The following ZNF560 variants were observed in gnomAD, a reference collection of about 807,000 sequenced individuals.
The protein encoded by ZNF560 is zinc finger protein 560.
In ZNF560, 54 loss-of-function variants were observed where a neutral mutation model predicts 81.8. That is an observed-to-expected ratio of 0.66 (90% CI 0.53 to 0.83). The LOEUF is 0.83. Ranked by LOEUF, ZNF560 falls within the 40% of genes least tolerant of loss-of-function variation. The pLI, the probability that ZNF560 is intolerant of heterozygous loss-of-function variation, is 0.00. For synonymous variants in ZNF560, 321 were observed against 317.9 expected (o/e 1.01, Z -0.10); for missense variants, 940 against 932.4 (o/e 1.01, Z -0.11).
At chr19:9,449,974 CAAAA>C in the ZNF560 span, among the ~76,000 whole-genome samples, 1,517 of 43,274 alleles carry the variant, frequency 0.035, 13 homozygotes, top group African/African-American at 0.1. Context: ...AACTCTGTCT[CAAAA>C]AAAAAAAAAA....
At chr19:9,482,528 A>G (rs763088959) in intron 2 of ZNF560, among the ~76,000 whole-genome samples, 1 of 151,958 alleles carries the variant, frequency 6.6e-6, no homozygotes, top group Non-Finnish European at 1.5e-5. Flanking sequence ...AGTCCTAGCT[A>G]CTCAGGAGGA....
At chr19:9,451,718 A>G in the ZNF560 span, among the ~76,000 whole-genome samples, 2 of 152,212 alleles carry the variant, frequency 1.3e-5, no homozygotes, top group Non-Finnish European at 2.9e-5. Context: ...CATCTGACAA[A>G]GGTCTAATAT....
rs529102109 is a variant in ZNF560, at chr19:9,489,920, G to C, written c.-57+8208C>G. Reference sequence around the variant, plus strand: ...CTTGTATTTCTTTATAGCAATGTGAGAATAGCCTAATACAGGTACTTACTA... The same window carrying C: ...CTTGTATTTCTTTATAGCAATGTGACAATAGCCTAATACAGGTACTTACTA... On this transcript the variant is annotated intron_variant, in intron 2 of 9. Transcript: ENST00000301480. 8.5e-5 allele frequency among the ~76,000 whole-genome samples: 13 copies of C among 152,288 alleles called. No homozygotes were observed. The East Asian group carries it at 2.5e-3, about 29-fold the overall frequency.
chr19:9,494,924 A>AAAAC (rs199583033), intron 2 of ZNF560, among the ~76,000 whole-genome samples: 14,730 of 151,848 alleles, frequency 0.097, 864 homozygotes, highest in South Asian at 0.17. Flanking sequence ...ACAAACAAAC[A>AAAAC]AAACAAACAA....
In ZNF560 at chr19:9,475,265, G is replaced by A; in HGVS notation, c.30+19C>T. Reference sequence around the variant, plus strand: ...GATGCAAGTATGTCATTTTGTGGAAGTATACATTTTCTGCATACCTGATAA... The same window carrying A: ...GATGCAAGTATGTCATTTTGTGGAAATATACATTTTCTGCATACCTGATAA... On this transcript the variant is annotated intron_variant, in intron 3 of 9. Coordinates refer to ENST00000301480, the MANE Select transcript of ZNF560 (RefSeq NM_152476.3). 1.2e-6 allele frequency: 2 copies of A among 1,613,050 alleles called. No individual in the cohort carries two copies. Among genetic ancestry groups the A allele is most frequent in the East Asian group, 2.2e-5 (1 of 44,846 alleles).
chr19:9,477,202 T>A (rs1033498535), intron 2 of ZNF560, among the ~76,000 whole-genome samples: 2 of 152,170 alleles, frequency 1.3e-5, no homozygotes. Flanking sequence ...CACATACATA[T>A]GTGCATATAC....
intron 9 of ZNF560, among the ~76,000 whole-genome samples, chr19:9,468,602 T>C (rs1235279651): frequency 6.6e-6 from 1 of 152,206 alleles, no homozygotes; most frequent in Non-Finnish European, 1.5e-5. Flanking sequence ...GGAATGAACA[T>C]TCATGGGAAG....
downstream of ZNF560, among the ~76,000 whole-genome samples, chr19:9,462,699 C>T (rs6512156): frequency 0.68 from 103,378 of 152,002 alleles, 36,237 homozygotes; most frequent in African/African-American, 0.85. Flanking sequence ...TATACTCAAA[C>T]TGCATTTTTC....
At chr19:9,450,584 C>T in the ZNF560 span, among the ~76,000 whole-genome samples, 1 of 152,176 alleles carries the variant, frequency 6.6e-6, no homozygotes, top group Non-Finnish European at 1.5e-5. Context: ...AAGATACAGT[C>T]TCGCTGTTGC....
At chr19:9,450,173 C>T in the ZNF560 span, among the ~76,000 whole-genome samples, 1 of 151,146 alleles carries the variant, frequency 6.6e-6, no homozygotes, top group Non-Finnish European at 1.5e-5. Flanking sequence ...CGCCTGTAAT[C>T]TCAACTACTC....
chr19:9,471,986 T>C (rs1479571917), intron 5 of ZNF560, among the ~76,000 whole-genome samples: 4 of 152,118 alleles, frequency 2.6e-5, no homozygotes, highest in African/African-American at 9.7e-5. Context: ...GGCAGGCACC[T>C]GTAGTCCCAG....
the ZNF560 span, among the ~76,000 whole-genome samples, chr19:9,459,124 C>T: frequency 6.6e-6 from 1 of 152,172 alleles, no homozygotes; most frequent in Non-Finnish European, 1.5e-5. Flanking sequence ...ACTGGTATCC[C>T]ATATAATTCT....
intron 2 of ZNF560, among the ~76,000 whole-genome samples, chr19:9,476,690 G>A (rs2073207860): frequency 6.6e-6 from 1 of 152,174 alleles, no homozygotes. Context: ...ATGCCACCCT[G>A]TGAAGAGGTG....
In ZNF560 at chr19:9,467,526, C is replaced by A; in HGVS notation, c.1421G>T (p.Gly474Val). ...GTTACTTCTTCTATCTTCAATAACA[C>A]CTGAGGATGTACCAAAGGCCTTCCC... is the stretch of plus-strand genomic sequence containing the variant. ...EYGKAFGTSSGVIEDRRSNTG... is the reference protein window; with the variant it reads ...EYGKAFGTSSVVIEDRRSNTG... The change falls in exon 10 of 10, where the codon GGT (glycine) becomes GTT (valine). Residue 474 changes from glycine (G) to valine (V), a missense_variant. By Grantham distance (109) the Gly-to-Val change is moderately radical (BLOSUM62 -3). Coordinates refer to ENST00000301480, the MANE Select transcript of ZNF560 (RefSeq NM_152476.3). 6.2e-7 allele frequency: 1 copy of A among 1,614,006 alleles called. No individual in the cohort carries two copies. Among genetic ancestry groups the A allele is most frequent in the African/African-American group, 1.3e-5 (1 of 74,972 alleles).
intron 5 of ZNF560, 37 bp from the exon 6 acceptor site, chr19:9,471,415 TTAAAA>T (rs375755089): frequency 0.012 from 15,292 of 1,232,044 alleles, 15 homozygotes; most frequent in Middle Eastern, 0.018. Context: ...TTTTTTTTTT[TTAAAA>T]AAAAAGGTAA....
chr19:9,463,592 TCA>T (rs1407324172), downstream of ZNF560, among the ~76,000 whole-genome samples: 1 of 152,226 alleles, frequency 6.6e-6, no homozygotes, highest in Non-Finnish European at 1.5e-5. Flanking sequence ...GTTAAAATAA[TCA>T]CACTCATACC....
At chr19:9,462,856 A>T (rs1348001371), downstream of ZNF560, among the ~76,000 whole-genome samples, 1 of 152,212 alleles carries the variant, frequency 6.6e-6, no homozygotes, top group African/African-American at 2.4e-5. Context: ...TTTTCTGAGT[A>T]AGGCAAGATC....
intron 3 of ZNF560, 66 bp from the exon 4 acceptor site, chr19:9,474,391 A>G: frequency 1.3e-6 from 2 of 1,540,138 alleles, no homozygotes; most frequent in South Asian, 1.3e-5. Flanking sequence ...CTGAAGAATC[A>G]GTTAACAGAC....
rs763355395 is a variant in ZNF560 at position 9,468,103 on chromosome 19, C to A, written c.844G>T (p.Val282Phe). 1.2e-6 allele frequency: 2 copies of A among 1,614,006 alleles called. No homozygotes were observed. Among genetic ancestry groups the A allele is most frequent in the East Asian group, 4.5e-5 (2 of 44,882 alleles). Residue 282 changes from valine to phenylalanine, a missense_variant, in exon 10 of 10, where the codon GTC becomes TTC. Transcript: ENST00000301480. ...TTATCTTGTGTACACTTTCTCTGGA[C>A]CTGAACATTTAAAATCAGGCGGAAA... The part of the protein sequence containing the change: ...KSFRLILNVQ[V>F]QRKCTQDKSF...
Sources: gnomAD v4.1 joint callset for allele counts (sites outside exome capture counted in the v4.1 genomes callset) on GRCh38, gnomAD v4.1.1 for gene constraint, MANE v1.5 for transcripts, NCBI Gene and HGNC (gene_info 2026-07-23, HGNC 2026-07-21) for gene names.